Variants in PROK1 observed in about 807,000 individuals in gnomAD.
PROK1 encodes the protein prokineticin 1.
A neutral mutation model predicts 8.8 loss-of-function variants in PROK1; 10 were observed. The ratio of observed to expected loss-of-function variants is 1.13; its 90% CI spans 0.70 to 1.92. The LOEUF is 1.92. Among genes scored for constraint, PROK1 ranks in the 30% most tolerant of loss-of-function variants. The probability of loss-of-function intolerance (pLI) is 0.00; values close to 1 mark genes in which losing one functional copy is unlikely to be tolerated. For missense variants in PROK1, 140 were observed against 139.7 expected, an observed-to-expected ratio of 1.00 and a Z score of -0.01; for synonymous variants, 57 against 56.0, an observed-to-expected ratio of 1.02 and a Z score of -0.08.
chr1:110,456,507 C>A lies in PROK1; in HGVS notation c.*156C>A. 1 of 910,038 alleles carries A rather than the reference C, an allele frequency of 1.1e-6. No homozygotes were observed. Among genetic ancestry groups the A allele is most frequent in the Non-Finnish European group, 1.7e-6 (1 of 578,182 alleles). The allele number at this position is 910,038 out of a possible 1,614,324, so 56.4% of individuals were successfully genotyped here. ...GTACGCACATATGCACACAGGCAGA[C>A]ATACCTCCCATCATGACATGGTCCC... is the stretch of plus-strand genomic sequence containing the variant. On this transcript the variant is annotated 3_prime_UTR_variant, in exon 3 of 3. Transcript: ENST00000271331.
At chr1:110,453,456 C>T (rs959372013) in intron 1 of PROK1, among the ~76,000 whole-genome samples, 13 of 152,082 alleles carry the variant, frequency 8.5e-5, no homozygotes, top group African/African-American at 3.1e-4. Flanking sequence ...TGAGGCTGGG[C>T]CACTTGAGGG....
intron 1 of PROK1, among the ~76,000 whole-genome samples, chr1:110,451,930 G>A (rs1379114368): frequency 2.6e-5 from 4 of 152,084 alleles, no homozygotes; most frequent in Admixed American, 2.0e-4. Flanking sequence ...AAGCAGAGAA[G>A]CAAAGGTTCA....
At chr1:110,451,684 AT>A (rs1557935675) in intron 1 of PROK1, among the ~76,000 whole-genome samples, 2 of 152,210 alleles carry the variant, frequency 1.3e-5, no homozygotes, top group Non-Finnish European at 2.9e-5. Flanking sequence ...ACATATTAAT[AT>A]TAATATTAAT....
At chr1:110,453,592 C>T (rs1664123415) in intron 1 of PROK1, among the ~76,000 whole-genome samples, 1 of 152,154 alleles carries the variant, frequency 6.6e-6, no homozygotes, top group African/African-American at 2.4e-5. Flanking sequence ...AGGGTCCCTC[C>T]CACCTCTGAG....
chr1:110,454,688 C>T (rs141748687), intron 2 of PROK1, among the ~76,000 whole-genome samples: 56 of 152,282 alleles, frequency 3.7e-4, no homozygotes, highest in Non-Finnish European at 6.2e-4. Context: ...ATTCCCAGCC[C>T]CTAATTTGCT....
chr1:110,456,323 C>A lies in PROK1; in HGVS notation c.290C>A (p.Ser97Tyr), dbSNP rs568449592. The A allele has an allele frequency of 2.5e-6, 4 of 1,614,106 alleles. No individual in the cohort carries two copies. In the South Asian group the frequency reaches 3.3e-5, roughly 13 times the overall value. Residue 97 changes from serine (S) to tyrosine (Y), a missense_variant, in exon 3 of 3, where the codon TCC (serine) becomes TAC (tyrosine). Coordinates refer to ENST00000271331, the MANE Select transcript of PROK1 (RefSeq NM_032414.3). ...SRFPDGRYRC[S>Y]MDLKNINF Reference sequence around the variant, plus strand: ...TTCCCGGACGGCAGGTACCGCTGCTCCATGGACTTGAAGAACATCAATTTT... The same window carrying A: ...TTCCCGGACGGCAGGTACCGCTGCTACATGGACTTGAAGAACATCAATTTT...
At chr1:110,453,637 G>C (rs1664123832) in intron 1 of PROK1, among the ~76,000 whole-genome samples, 3 of 152,212 alleles carry the variant, frequency 2.0e-5, no homozygotes, top group African/African-American at 7.2e-5. Flanking sequence ...AGCATCCACT[G>C]AGCATCTACT....
intron 1 of PROK1, among the ~76,000 whole-genome samples, chr1:110,452,420 G>A (rs1216586814): frequency 6.6e-6 from 1 of 152,202 alleles, no homozygotes; most frequent in Non-Finnish European, 1.5e-5. Context: ...CTATGGGGTA[G>A]CTTGAAAATC....
At chr1:110,456,192 A>C in intron 2 of PROK1, 40 bp from the exon 3 acceptor site, 1 of 1,604,948 alleles carries the variant, frequency 6.2e-7, no homozygotes, top group Non-Finnish European at 8.5e-7. Flanking sequence ...AGGCCCACCT[A>C]CCTCCCTTTG....
chr1:110,456,176 G>T (rs911835947), intron 2 of PROK1, 56 bp from the exon 3 acceptor site: 26 of 1,597,620 alleles, frequency 1.6e-5, no homozygotes, highest in Non-Finnish European at 2.2e-5. Context: ...AGAGACTGCT[G>T]CCAGGAGGCC....
At chr1:110,453,577 C>A (rs1664122962) in intron 1 of PROK1, among the ~76,000 whole-genome samples, 1 of 152,190 alleles carries the variant, frequency 6.6e-6, no homozygotes, top group Non-Finnish European at 1.5e-5. Context: ...GGAATTTGGG[C>A]CATCAGGGTC....
At chr1:110,453,864 T>C in intron 1 of PROK1, 97 bp from the exon 2 acceptor site, 1 of 1,531,470 alleles carries the variant, frequency 6.5e-7, no homozygotes, top group Non-Finnish European at 9.0e-7. Context: ...CAGCCTCTTC[T>C]TGCTCCATCC....
chr1:110,451,359 A>G (rs1176853321), intron 1 of PROK1, 71 bp downstream of exon 1: 3 of 1,369,326 alleles, frequency 2.2e-6, no homozygotes, highest in Non-Finnish European at 2.1e-6. Context: ...TTGTGAGCCC[A>G]GGAACCATGC....
At chr1:110,454,592 A>C (rs1169835800) in intron 2 of PROK1, among the ~76,000 whole-genome samples, 1 of 152,150 alleles carries the variant, frequency 6.6e-6, no homozygotes, top group Non-Finnish European at 1.5e-5. Context: ...TACCTCACTG[A>C]TGTTGGGCAC....
In PROK1 at chr1:110,456,623, G is replaced by T. The variant is rs563110415; in HGVS notation, c.*272G>T. 351 of 481,412 alleles carry T rather than the reference G, an allele frequency of 7.3e-4. 7 individuals are homozygous for T. The highest frequency in any genetic ancestry group is 6.8e-3 in the South Asian group (335 of 49,128). 29.8% of individuals were successfully genotyped at this position (481,412 alleles called of 1,614,324 possible). On this transcript the variant is annotated 3_prime_UTR_variant, in exon 3 of 3. Transcript: ENST00000271331. ...CCCTGCTCAGGCTGCCAGAGAGGTG[G>T]TAAATGGCAGAAAGGACATTCCCCC...
chr1:110,455,267 G>A (rs949489330), intron 2 of PROK1, among the ~76,000 whole-genome samples: 1 of 152,202 alleles, frequency 6.6e-6, no homozygotes, highest in Non-Finnish European at 1.5e-5. Flanking sequence ...AGACATTCCT[G>A]AACACAGGCT....
intron 1 of PROK1, among the ~76,000 whole-genome samples, chr1:110,453,493 G>C (rs1271703197): frequency 1.3e-5 from 2 of 152,154 alleles, no homozygotes; most frequent in Non-Finnish European, 2.9e-5. Flanking sequence ...TCCATGCAGA[G>C]GGGAGGGACT....
intron 2 of PROK1, among the ~76,000 whole-genome samples, 165 bp from the exon 3 acceptor site, chr1:110,456,067 C>T (rs530297229): frequency 5.3e-5 from 8 of 152,282 alleles, no homozygotes; most frequent in East Asian, 3.9e-4. Context: ...CACCGTACCT[C>T]GGTTTCCTCA....
chr1:110,452,181 A>G (rs1370245128), intron 1 of PROK1, among the ~76,000 whole-genome samples: 1 of 152,244 alleles, frequency 6.6e-6, no homozygotes, highest in East Asian at 1.9e-4. Flanking sequence ...AGCTTTTTAC[A>G]TGGATAGTGG....
Sources: allele counts gnomAD v4.1 joint callset (sites outside exome capture counted in the v4.1 genomes callset), GRCh38; gene constraint gnomAD v4.1.1; transcripts MANE v1.5; gene names NCBI Gene and HGNC (gene_info 2026-07-23, HGNC 2026-07-21).